Variants in SPEN observed in about 807,000 individuals in gnomAD.
SPEN encodes msx2-interacting protein.
Under a neutral mutation model 269.9 loss-of-function variants are expected in SPEN, and 18 were observed. The ratio of observed to expected loss-of-function variants is 0.07; its 90% CI spans 0.05 to 0.10. The LOEUF (loss-of-function observed/expected upper bound fraction) is 0.10, where lower values mean the gene tolerates loss of function less well. SPEN is among the 10% of genes least tolerant of loss of function. The pLI is 1.00. For missense variants in SPEN, 3,822 were observed against 4,631.2 expected (o/e 0.83, Z 5.07); for synonymous variants, 1,726 against 1,765.7 (o/e 0.98, Z 0.56).
intron 3 of SPEN, among the ~76,000 whole-genome samples, chr1:15,879,763 C>T (rs894569489): frequency 6.6e-6 from 1 of 151,902 alleles, no homozygotes; most frequent in African/African-American, 2.4e-5. Context: ...CTCCACCTCC[C>T]GGGTTCACGC....
rs2071215281 is a variant in SPEN at position 15,931,061 on chromosome 1, T to G, written c.4821T>G (p.Val1607=). 2.5e-6 allele frequency: 4 copies of G among 1,613,678 alleles called. No individual in the cohort carries two copies. Among genetic ancestry groups the G allele is most frequent in the Non-Finnish European group, 3.4e-6 (4 of 1,179,906 alleles). Residue 1607 remains valine (V), a synonymous_variant, in exon 11 of 15, where the codon GTT becomes GTG. Transcript: ENST00000375759. The surrounding 1 kb of genome is among the most constrained non-coding windows in gnomAD (Gnocchi z 4.8). ...AAAAAGACCAGAAACCCAAAGAGGT[T>G]GAGAAACAGGAAGATACAGAGAATC... ...EKEKDQKPKE[V]EKQEDTENHP...
At chr1:15,849,497 G>A (rs897607553) in intron 1 of SPEN, among the ~76,000 whole-genome samples, 19 of 152,238 alleles carry the variant, frequency 1.2e-4, no homozygotes, top group African/African-American at 4.6e-4. Context: ...GTGTGAAAAG[G>A]AGCCGGGAAT....
intron 1 of SPEN, among the ~76,000 whole-genome samples, chr1:15,872,363 C>T (rs551421189): frequency 4.6e-5 from 7 of 151,738 alleles, no homozygotes; most frequent in South Asian, 4.2e-4. Flanking sequence ...GAGGCTAAGG[C>T]GGGCGGATCA....
rs1335116859 is a variant in SPEN, at chr1:15,911,254, A to G, written c.1196A>G (p.Lys399Arg). Reference sequence around the variant, plus strand: ...AAAGCCTTGACTGCATCAAAAGGAAAACTTTTCTTTGGCATGCAGATTGAA... The same window carrying G: ...AAAGCCTTGACTGCATCAAAAGGAAGACTTTTCTTTGGCATGCAGATTGAA... ...QEKALTASKGKLFFGMQIEVT... is the reference protein window; with the variant it reads ...QEKALTASKGRLFFGMQIEVT... Residue 399 changes from lysine to arginine, a missense_variant, in exon 5 of 15, where the codon AAA (lysine) becomes AGA (arginine). By Grantham distance (26) the Lys-to-Arg change is conservative. Around this residue, in one of 16 missense-constraint regions of SPEN, gnomAD observed 230 missense variants for 426.1 expected, o/e 0.54. Transcript: ENST00000375759. 1 of 1,614,150 alleles carries G rather than the reference A, an allele frequency of 6.2e-7. No homozygotes were observed.
At chr1:15,911,570 C>A (rs571154098) in intron 5 of SPEN, among the ~76,000 whole-genome samples, 1 of 152,252 alleles carries the variant, frequency 6.6e-6, no homozygotes, top group Non-Finnish European at 1.5e-5. Flanking sequence ...ACTGTGTAGA[C>A]CCTTATTGAG....
intron 1 of SPEN, among the ~76,000 whole-genome samples, chr1:15,852,567 C>T (rs960324618): frequency 1.3e-5 from 2 of 152,058 alleles, no homozygotes. Flanking sequence ...GGGCTCACTG[C>T]CAGGAAGAAT....
chr1:15,906,192 A>G (rs2070953975), intron 3 of SPEN, among the ~76,000 whole-genome samples: 2 of 152,184 alleles, frequency 1.3e-5, no homozygotes, highest in South Asian at 2.1e-4. Flanking sequence ...GTCAATGACA[A>G]TATCGTATTC....
chr1:15,939,462 C>A lies in SPEN; in HGVS notation c.*35C>A. The A allele has an allele frequency of 6.6e-7, 1 of 1,508,776 alleles. No individual in the cohort carries two copies. Among genetic ancestry groups the A allele is most frequent in the Non-Finnish European group, 8.9e-7 (1 of 1,123,836 alleles). 93.5% of individuals were successfully genotyped at this position (1,508,776 alleles called of 1,614,324 possible). A position where few individuals can be genotyped will look rare whatever the true frequency, so the allele number is the denominator to read the frequency against. ...TGGTTATCACCTCAGTGAATCTTCC[C>A]AGGGCTCTGCAGTAAAAACAAAGGA... On this transcript the variant is annotated 3_prime_UTR_variant, in exon 15 of 15. Coordinates refer to ENST00000375759, the MANE Select transcript of SPEN (RefSeq NM_015001.3). This position sits in a 1 kb window ranked among gnomAD's most constrained non-coding sequence, Gnocchi z 4.1.
intron 3 of SPEN, among the ~76,000 whole-genome samples, chr1:15,891,483 C>G (rs894973307): frequency 1.3e-5 from 2 of 151,688 alleles, no homozygotes; most frequent in African/African-American, 4.8e-5. Context: ...TCCCGAGTAG[C>G]TGGGACTACA....
chr1:15,865,522 A>T (rs1262176665), intron 1 of SPEN, among the ~76,000 whole-genome samples: 2 of 149,736 alleles, frequency 1.3e-5, no homozygotes, highest in Admixed American at 6.7e-5. Context: ...TCCTGGGTTC[A>T]AACGATTCTC....
At chr1:15,897,915 C>T (rs948187303) in intron 3 of SPEN, among the ~76,000 whole-genome samples, 10 of 152,150 alleles carry the variant, frequency 6.6e-5, no homozygotes, top group African/African-American at 2.4e-4. Flanking sequence ...ATGATTTATA[C>T]AGTTGAGTCC....
chr1:15,862,517 A>G (rs1569974387), intron 1 of SPEN, among the ~76,000 whole-genome samples: 2 of 152,100 alleles, frequency 1.3e-5, no homozygotes, highest in Non-Finnish European at 2.9e-5. Context: ...TAAAATATTC[A>G]GGCTTTTTAT....
In SPEN at chr1:15,904,479, T is replaced by TAAAAA. The variant is rs1557750239; in HGVS notation, c.882-4842_882-4841insAAAAA. 5.4e-3 allele frequency among the ~76,000 whole-genome samples: 438 copies of TAAAAA among 80,976 alleles called. 18 individuals are homozygous for TAAAAA. Among genetic ancestry groups the TAAAAA allele is most frequent in the East Asian group, 0.02 (66 of 3,302 alleles). The allele number at this position is 80,976 out of a possible 152,430, so 53.1% of individuals were successfully genotyped here. On this transcript the variant is annotated intron_variant, in intron 3 of 14. Coordinates refer to ENST00000375759, the MANE Select transcript of SPEN (RefSeq NM_015001.3). Reference sequence around the variant, plus strand: ...AAAAAAAAAAAAAAAAAAAAAAAAGTGAACTAAAAACTTGTACCATTTTTA... The same window carrying TAAAAA: ...AAAAAAAAAAAAAAAAAAAAAAAAGTAAAAAGAACTAAAAACTTGTACCATTTTTA...
At chr1:15,861,200 C>G (rs1299015300) in intron 1 of SPEN, among the ~76,000 whole-genome samples, 1 of 145,410 alleles carries the variant, frequency 6.9e-6, no homozygotes, top group Admixed American at 7.0e-5. Flanking sequence ...ATGGTGTGGT[C>G]TCGGCTCACT....
Position 15,934,012 on chromosome 1 carries a change from C to A in SPEN, c.7772C>A (p.Thr2591Lys). The A allele has an allele frequency of 6.2e-7, 1 of 1,613,986 alleles. No individual in the cohort carries two copies. Among genetic ancestry groups the A allele is most frequent in the Non-Finnish European group, 8.5e-7 (1 of 1,179,928 alleles). The change falls in exon 11 of 15, where the codon ACA (threonine) becomes AAA (lysine). Residue 2591 changes from threonine to lysine, a missense_variant. Thr to Lys is a moderately conservative substitution (Grantham distance 78). This residue lies in a region of SPEN where 727 missense variants were observed against 737.9 expected (regional missense o/e 0.99). Transcript: ENST00000375759. This position sits in a 1 kb window ranked among gnomAD's most constrained non-coding sequence, Gnocchi z 9.2. ...PLEEKTAPPV[T>K]NNSEIQASEV... The stretch of plus-strand genomic sequence containing the variant: ...GAAGAAAAAACAGCACCTCCAGTGA[C>A]AAACAACTCTGAGATACAAGCCTCG...
At chr1:15,904,452 C>CAAAAAAA (rs1215369183) in intron 3 of SPEN, among the ~76,000 whole-genome samples, 1,126 of 48,436 alleles carry the variant, frequency 0.023, 98 homozygotes, top group African/African-American at 0.06. Flanking sequence ...AACTCCATCT[C>CAAAAAAA]AAAAAAAAAA....
At chr1:15,900,886 C>G (rs2070892660) in intron 3 of SPEN, among the ~76,000 whole-genome samples, 1 of 151,962 alleles carries the variant, frequency 6.6e-6, no homozygotes, top group South Asian at 2.1e-4. Flanking sequence ...CCACCCCACC[C>G]CCACTGTGAC....
At position 15,914,551 on chromosome 1, in the gene SPEN, C is replaced by T. The variant is rs190683011; in HGVS notation, c.1244-1577C>T. On this transcript the variant is annotated intron_variant, in intron 5 of 14. Coordinates refer to ENST00000375759, the MANE Select transcript of SPEN (RefSeq NM_015001.3). ...ACCATAAAAAATAGAGGCTGGACGT[C>T]GTGGCTCACACCTGTAATCTCAGCA... Among the ~76,000 whole-genome samples, 447 of 152,234 alleles carry T rather than the reference C, an allele frequency of 2.9e-3. 1 individual carries two copies. The highest frequency in any genetic ancestry group is 0.014 in the Middle Eastern group (4 of 294).
Position 15,931,271 on chromosome 1 carries a change from T to C in SPEN, c.5031T>C (p.Ala1677=), listed in dbSNP as rs1171455037. Residue 1677 remains alanine (A), a synonymous_variant, in exon 11 of 15, where the codon GCT becomes GCC. Coordinates refer to ENST00000375759, the MANE Select transcript of SPEN (RefSeq NM_015001.3). The surrounding 1 kb of genome is among the most constrained non-coding windows in gnomAD (Gnocchi z 4.8). ...LVTEEKTVEP[A]TVSEEAKPAS... ...CAGAAGAGAAGACTGTGGAGCCAGC[T>C]ACCGTCTCAGAAGAAGCAAAGCCTG... The C allele has an allele frequency of 1.2e-6, 2 of 1,614,030 alleles. No individual in the cohort carries two copies. The highest frequency in any genetic ancestry group is 1.7e-6 in the Non-Finnish European group (2 of 1,180,028).
Sources: allele counts gnomAD v4.1 joint callset (sites outside exome capture counted in the v4.1 genomes callset), GRCh38; gene constraint gnomAD v4.1.1; regional missense constraint gnomAD v4.1.1; non-coding constraint Gnocchi (gnomAD v3.1); transcripts MANE v1.5; gene names NCBI Gene and HGNC (gene_info 2026-07-23, HGNC 2026-07-21).